The following NBPF4 variants were observed in gnomAD, a reference collection of about 807,000 sequenced individuals.
NBPF4 encodes the protein NBPF family member NBPF4.
In NBPF4, 11 loss-of-function variants were observed where a neutral mutation model predicts 21.1. The ratio of observed to expected loss-of-function variants is 0.52; its 90% CI spans 0.33 to 0.86. The LOEUF (loss-of-function observed/expected upper bound fraction) is 0.86. Ranked by LOEUF, NBPF4 falls within the 40% of genes least tolerant of loss-of-function variation. The pLI is 0.03. For synonymous variants in NBPF4, 47 were observed against 106.4 expected, an observed-to-expected ratio of 0.44 and a Z score of 3.43; for missense variants, 88 against 265.3, an observed-to-expected ratio of 0.33 and a Z score of 4.64.
chr1:108,247,823 G>C (rs1341124992), upstream of NBPF4, among the ~76,000 whole-genome samples: 1 of 130,728 alleles, frequency 7.6e-6, no homozygotes, highest in South Asian at 2.8e-4. Flanking sequence ...TACTATGAGT[G>C]TGAGATGCTT....
rs1992354 is a variant in NBPF4 at position 108,229,099 on chromosome 1, T to A, written c.1481A>T (p.Gln494Leu). 6.7e-7 allele frequency: 1 copy of A among 1,498,302 alleles called. No individual in the cohort carries two copies. Among genetic ancestry groups the A allele is most frequent in the Admixed American group, 2.0e-5 (1 of 50,542 alleles). 92.8% of individuals were successfully genotyped at this position (1,498,302 alleles called of 1,614,324 possible). The part of the protein sequence containing the change: ...GTWSGDLSHH[Q>L]SEVQVSQAQL... ...TGCCTGTGAAACTTGCACCTCTGAC[T>A]GGTGGTGGCTCAAGTCTCCACTCCA... The change falls in exon 13 of 15, where the codon CAG becomes CTG. Residue 494 changes from glutamine to leucine, a missense_variant. This residue lies in a region of NBPF4 where 60 missense variants were observed against 86.5 expected (regional missense o/e 0.69). Transcript: ENST00000415641.
Position 108,223,436 on chromosome 1 carries a change from G to C in NBPF4, c.*269C>G. 2.4e-6 allele frequency: 1 copy of C among 409,398 alleles called. No homozygotes were observed. Among genetic ancestry groups the C allele is most frequent in the Non-Finnish European group, 4.5e-6 (1 of 224,054 alleles). 25.4% of individuals were successfully genotyped at this position (409,398 alleles called of 1,614,324 possible). A position where few individuals can be genotyped will look rare whatever the true frequency, so the allele number is the denominator to read the frequency against. On this transcript the variant is annotated 3_prime_UTR_variant, in exon 15 of 15. Coordinates refer to ENST00000415641, the MANE Select transcript of NBPF4 (RefSeq NM_001143989.3). Reference sequence around the variant, plus strand: ...AGCTGCGGACTCCTGTTCTCTACACGATGGGAATTGAGAAACAGGGCTAAC... The same window carrying C: ...AGCTGCGGACTCCTGTTCTCTACACCATGGGAATTGAGAAACAGGGCTAAC...
intron 14 of NBPF4, 83 bp downstream of exon 14, chr1:108,226,578 GGAGAGAACAAATGGGAGA>G: frequency 1.0e-6 from 1 of 970,046 alleles, no homozygotes; most frequent in Non-Finnish European, 1.5e-6. Flanking sequence ...AGCAGCTGTT[GGAGAGAACAAATGGGAGA>G]GAAAAAGCAG....
At chr1:108,267,736 ATTG>A in the NBPF4 span, among the ~76,000 whole-genome samples, 1 of 64,054 alleles carries the variant, frequency 1.6e-5, no homozygotes, top group African/African-American at 5.9e-5. Flanking sequence ...TCAAAAAGTC[ATTG>A]TTGTGGAAAA....
chr1:108,224,528 A>G (rs1649413600), intron 14 of NBPF4, among the ~76,000 whole-genome samples: 1 of 146,870 alleles, frequency 6.8e-6, no homozygotes, highest in African/African-American at 2.6e-5. Flanking sequence ...ATATATAATT[A>G]TAAGTTTTTG....
chr1:108,226,290 T>G (rs1217925207), intron 14 of NBPF4, among the ~76,000 whole-genome samples: 2 of 151,500 alleles, frequency 1.3e-5, no homozygotes, highest in Non-Finnish European at 2.9e-5. Flanking sequence ...CAATGACTTC[T>G]GCAGAAAGAG....
rs1213291832 is a variant in NBPF4 at position 108,229,027 on chromosome 1, A to G, written c.1553T>C (p.Leu518Pro). 3.9e-6 allele frequency: 6 copies of G among 1,549,686 alleles called. No homozygotes were observed. Among genetic ancestry groups the G allele is most frequent in the Non-Finnish European group, 5.2e-6 (6 of 1,145,644 alleles). Residue 518 changes from leucine (L) to proline (P), a missense_variant, in exon 13 of 15, where the codon CTG becomes CCG. By Grantham distance (98) the Leu-to-Pro change is moderately conservative. Coordinates refer to ENST00000415641, the MANE Select transcript of NBPF4 (RefSeq NM_001143989.3). ...GTTCCCACAGTGGAACCCTTGATCC[A>G]GCTGTAGTCGCAGACAACTGGGCAC... ...TLVPSCLRLQ[L>P]DQGFHCGNGL... is the part of the protein sequence containing the mutation.
the NBPF4 span, among the ~76,000 whole-genome samples, chr1:108,268,393 A>C: frequency 2.0e-5 from 3 of 152,186 alleles, no homozygotes; most frequent in African/African-American, 7.2e-5. Context: ...TTTAATTACA[A>C]AACTATAAAA....
chr1:108,250,347 AC>A, the NBPF4 span, among the ~76,000 whole-genome samples: 9 of 127,132 alleles, frequency 7.1e-5, no homozygotes, highest in African/African-American at 2.3e-4. Flanking sequence ...TTATGTTCTT[AC>A]TTTATTGCAT....
At chr1:108,267,927 G>GTTTATTTATTTA in the NBPF4 span, among the ~76,000 whole-genome samples, 4 of 108,924 alleles carry the variant, frequency 3.7e-5, no homozygotes, top group South Asian at 1.5e-3. Flanking sequence ...TTGTTTGTTT[G>GTTTATTTATTTA]TTTATTTATT....
At chr1:108,259,440 A>G in the NBPF4 span, among the ~76,000 whole-genome samples, 1 of 144,120 alleles carries the variant, frequency 6.9e-6, no homozygotes, top group African/African-American at 2.7e-5. Flanking sequence ...TTCTGCCTCT[A>G]CGACAGAACC....
the NBPF4 span, among the ~76,000 whole-genome samples, chr1:108,268,583 G>A: frequency 1.1e-3 from 168 of 151,626 alleles, no homozygotes; most frequent in Non-Finnish European, 1.4e-3. Context: ...GGAACAGAAT[G>A]TTTAGACTAA....
chr1:108,259,964 C>A, the NBPF4 span, among the ~76,000 whole-genome samples: 1 of 131,778 alleles, frequency 7.6e-6, no homozygotes, highest in African/African-American at 3.1e-5. Context: ...GTGCTAATCC[C>A]TCACCTCTCT....
At chr1:108,253,883 A>G in the NBPF4 span, among the ~76,000 whole-genome samples, 1 of 26,140 alleles carries the variant, frequency 3.8e-5, no homozygotes, top group Non-Finnish European at 6.8e-5. Flanking sequence ...CTTTGGAGAA[A>G]TATCTATTCA....
Sources: allele counts gnomAD v4.1 joint callset (sites outside exome capture counted in the v4.1 genomes callset), GRCh38; gene constraint gnomAD v4.1.1; regional missense constraint gnomAD v4.1.1; transcripts MANE v1.5; gene names NCBI Gene and HGNC (gene_info 2026-07-23, HGNC 2026-07-21).